The following CARMIL1 variants were observed in gnomAD, a reference collection of about 807,000 sequenced individuals.
CARMIL1 encodes the protein F-actin-uncapping protein LRRC16A.
Under a neutral mutation model 177.1 loss-of-function variants are expected in CARMIL1, and 90 were observed. The observed-to-expected ratio is 0.51, with a 90% confidence interval of 0.43 to 0.61. The LOEUF (loss-of-function observed/expected upper bound fraction) is 0.61. Among genes scored for constraint, CARMIL1 ranks in the 20% least tolerant of loss-of-function variants. The pLI is 0.00. For synonymous variants in CARMIL1, 577 were observed against 606.2 expected (o/e 0.95, Z 0.71); for missense variants, 1,380 against 1,667.0 (o/e 0.83, Z 3.00).
intron 24 of CARMIL1, among the ~76,000 whole-genome samples, chr6:25,530,905 T>G (rs214057): frequency 6.6e-6 from 1 of 151,906 alleles, no homozygotes; most frequent in South Asian, 2.1e-4. Flanking sequence ...TATAGCTACA[T>G]TTTAGAGGGT....
chr6:25,441,827 A>T (rs963444389), intron 5 of CARMIL1, among the ~76,000 whole-genome samples: 10 of 152,024 alleles, frequency 6.6e-5, no homozygotes, highest in African/African-American at 2.4e-4. Context: ...TCAGGAAGTC[A>T]TTCTGTGTTA....
chr6:25,386,351 C>G (rs936795450), intron 2 of CARMIL1, among the ~76,000 whole-genome samples: 1 of 152,160 alleles, frequency 6.6e-6, no homozygotes, highest in Non-Finnish European at 1.5e-5. Flanking sequence ...CTCACAGATT[C>G]AAGTGATCCT....
At chr6:25,304,030 G>A (rs1204578764) in intron 2 of CARMIL1, among the ~76,000 whole-genome samples, 1 of 152,208 alleles carries the variant, frequency 6.6e-6, no homozygotes, top group East Asian at 1.9e-4. Flanking sequence ...ATGGGGTTGG[G>A]AAAGTTTCCT....
chr6:25,349,392 C>A (rs1787874687), intron 2 of CARMIL1, among the ~76,000 whole-genome samples: 2 of 152,132 alleles, frequency 1.3e-5, no homozygotes, highest in African/African-American at 4.8e-5. Flanking sequence ...TGTTATTAAC[C>A]AAATGAAATG....
At chr6:25,609,737 G>A (rs921514115) in intron 35 of CARMIL1, among the ~76,000 whole-genome samples, 1 of 152,202 alleles carries the variant, frequency 6.6e-6, no homozygotes, top group South Asian at 2.1e-4. Flanking sequence ...AACAGCCTTT[G>A]TGTTTAAGTC....
At chr6:25,551,274 T>C (rs979112928) in intron 27 of CARMIL1, among the ~76,000 whole-genome samples, 189 bp downstream of exon 27, 2 of 152,228 alleles carry the variant, frequency 1.3e-5, no homozygotes, top group African/African-American at 4.8e-5. Flanking sequence ...AATGAGATGA[T>C]CACGTAAATG....
intron 28 of CARMIL1, among the ~76,000 whole-genome samples, chr6:25,556,460 A>G (rs1184120028): frequency 6.6e-6 from 1 of 152,180 alleles, no homozygotes; most frequent in Non-Finnish European, 1.5e-5. Context: ...AAAGAACACT[A>G]CTATGTTGTC....
At chr6:25,342,031 C>A (rs555435204) in intron 2 of CARMIL1, among the ~76,000 whole-genome samples, 2 of 152,294 alleles carry the variant, frequency 1.3e-5, no homozygotes, top group South Asian at 4.1e-4. Flanking sequence ...TAGCAACTTA[C>A]TATGGCTAGT....
At chr6:25,517,289 A>T in intron 21 of CARMIL1, 58 bp from the exon 22 acceptor site, 1 of 1,305,986 alleles carries the variant, frequency 7.7e-7, no homozygotes, top group Non-Finnish European at 1.1e-6. Context: ...TTTATATTCA[A>T]TGTGAGAATC....
intron 16 of CARMIL1, among the ~76,000 whole-genome samples, chr6:25,495,712 T>C (rs989668517): frequency 1.3e-5 from 2 of 152,228 alleles, no homozygotes; most frequent in African/African-American, 4.8e-5. Flanking sequence ...TTGGCACTTT[T>C]ATTTGGCAGC....
At chr6:25,613,817 C>CG (rs1351674806) in intron 36 of CARMIL1, among the ~76,000 whole-genome samples, 42 of 152,092 alleles carry the variant, frequency 2.8e-4, no homozygotes, top group African/African-American at 9.7e-4. Context: ...CCTGTTAAAC[C>CG]ATATCAGGGG....
At chr6:25,310,152 T>C (rs182128595) in intron 2 of CARMIL1, among the ~76,000 whole-genome samples, 1 of 152,332 alleles carries the variant, frequency 6.6e-6, no homozygotes, top group East Asian at 1.9e-4. Flanking sequence ...CTTATGAGCG[T>C]GCATACAAGT....
chr6:25,444,370 A>G (rs1798028634), intron 5 of CARMIL1, among the ~76,000 whole-genome samples: 1 of 151,684 alleles, frequency 6.6e-6, no homozygotes, highest in Non-Finnish European at 1.5e-5. Context: ...CCAGGTTCAC[A>G]GTGTCTTTTT....
At chr6:25,420,067 C>A in intron 2 of CARMIL1, 47 bp from the exon 3 acceptor site, 1 of 1,486,810 alleles carries the variant, frequency 6.7e-7, no homozygotes, top group Non-Finnish European at 9.4e-7. Flanking sequence ...AGCCCACTGG[C>A]CCCACTTTTT....
chr6:25,377,381 C>T (rs1257569411), intron 2 of CARMIL1, among the ~76,000 whole-genome samples: 1 of 152,148 alleles, frequency 6.6e-6, no homozygotes, highest in African/African-American at 2.4e-5. Context: ...TTTTTTGTTT[C>T]ATGGAGTGCT....
chr6:25,413,758 C>A (rs1160573658), intron 2 of CARMIL1, among the ~76,000 whole-genome samples: 1 of 152,068 alleles, frequency 6.6e-6, no homozygotes, highest in African/African-American at 2.4e-5. Flanking sequence ...TGTAGCTTAC[C>A]CTTTGTGGTG....
At chr6:25,525,732 C>T (rs760152990) in intron 23 of CARMIL1, among the ~76,000 whole-genome samples, 1 of 152,056 alleles carries the variant, frequency 6.6e-6, no homozygotes, top group Non-Finnish European at 1.5e-5. Context: ...ATCAATATAG[C>T]GTTATTTGAA....
At position 25,510,597 on chromosome 6, in the gene CARMIL1, T is replaced by G; in HGVS notation, c.1568T>G (p.Met523Arg). ...HLALGKNFNN[M>R]KSKNLTPVLD... is the part of the protein sequence containing the mutation. ...GCGTTAGGCAAAAATTTTAATAATA[T>G]GAAATCCAAGTAAGAGTTTTGAATT... The change falls in exon 19 of 37, where the codon ATG (methionine) becomes AGG (arginine). Residue 523 changes from methionine (M) to arginine (R), a missense_variant. Coordinates refer to ENST00000329474, the MANE Select transcript of CARMIL1 (RefSeq NM_017640.6). 1.3e-6 allele frequency: 2 copies of G among 1,547,678 alleles called. No individual in the cohort carries two copies. The highest frequency in any genetic ancestry group is 1.7e-6 in the Non-Finnish European group (2 of 1,143,666).
At chr6:25,423,086 A>G (rs1795990040) in intron 3 of CARMIL1, among the ~76,000 whole-genome samples, 1 of 152,176 alleles carries the variant, frequency 6.6e-6, no homozygotes, top group Non-Finnish European at 1.5e-5. Context: ...TTAAGTCTTG[A>G]CTGAGAAGTA....
Sources: allele counts gnomAD v4.1 joint callset (sites outside exome capture counted in the v4.1 genomes callset), GRCh38; gene constraint gnomAD v4.1.1; transcripts MANE v1.5; gene names NCBI Gene and HGNC (gene_info 2026-07-23, HGNC 2026-07-21).